The following PNMA2 variants were observed in gnomAD, a reference collection of about 807,000 sequenced individuals.
The protein encoded by PNMA2 is PNMA family member 2.
For synonymous variants in PNMA2, 175 were observed against 183.5 expected (o/e 0.95, Z 0.38); for missense variants, 455 against 452.9 (o/e 1.00, Z -0.04).
At position 26,509,548 on chromosome 8, in the gene PNMA2, C is replaced by T. The variant is rs1808112838; in HGVS notation, c.-489G>A. Reference sequence around the variant, plus strand: ...GAAATCAGGAGATGTGGCTAAATACCTGTTGATGTGTTCCCGAGTGTTCCG... The same window carrying T: ...GAAATCAGGAGATGTGGCTAAATACTTGTTGATGTGTTCCCGAGTGTTCCG... On this transcript the variant is annotated splice_region_variant and 5_prime_UTR_variant, in exon 2 of 3. Coordinates refer to ENST00000522362, the MANE Select transcript of PNMA2 (RefSeq NM_007257.6). This position sits in a 1 kb window ranked among gnomAD's most constrained non-coding sequence, Gnocchi z 5.7. The T allele has an allele frequency of 6.6e-6, 1 of 152,174 alleles. No individual in the cohort carries two copies. The highest frequency in any genetic ancestry group is 2.4e-5 in the African/African-American group (1 of 41,434). The allele number at this position is 152,174 out of a possible 1,614,324, so 9.4% of individuals were successfully genotyped here.
At chr8:26,513,168 CG>C (rs1188623577) in intron 1 of PNMA2, among the ~76,000 whole-genome samples, 1 of 142,796 alleles carries the variant, frequency 7.0e-6, no homozygotes, top group Admixed American at 7.1e-5. Flanking sequence ...AACCAAATCG[CG>C]ACACGTTCCT....
In PNMA2 at chr8:26,504,848, A is replaced by G. The variant is rs1013047124; in HGVS notation, c.*2813T>C. 6.5e-6 allele frequency: 1 copy of G among 152,688 alleles called. No homozygotes were observed. The highest frequency in any genetic ancestry group is 1.5e-5 in the Non-Finnish European group (1 of 68,054). The allele number at this position is 152,688 out of a possible 1,614,324, so 9.5% of individuals were successfully genotyped here. A position where few individuals can be genotyped will look rare whatever the true frequency, so the allele number is the denominator to read the frequency against. ...GTAACCACTGCATCACTTTGGTGGA[A>G]CAGTATTAAAAATAGAATTTAGAAA... On this transcript the variant is annotated 3_prime_UTR_variant, in exon 3 of 3. Coordinates refer to ENST00000522362, the MANE Select transcript of PNMA2 (RefSeq NM_007257.6).
rs138708461 is a variant in PNMA2, at chr8:26,506,096, G to C, written c.*1565C>G. The C allele has an allele frequency of 2.0e-5, 3 of 152,168 alleles. No homozygotes were observed. The highest frequency in any genetic ancestry group is 7.2e-5 in the African/African-American group (3 of 41,438). The allele number at this position is 152,168 out of a possible 1,614,324, so 9.4% of individuals were successfully genotyped here. A position where few individuals can be genotyped will look rare whatever the true frequency, so the allele number is the denominator to read the frequency against. ...TGCAGAGCACAATTTGAAAGTCATC[G>C]TGATGGTAGAGGATGGACTAGTGTG... On this transcript the variant is annotated 3_prime_UTR_variant, in exon 3 of 3. Transcript: ENST00000522362. The surrounding 1 kb of genome is among the most constrained non-coding windows in gnomAD (Gnocchi z 4.4).
Position 26,508,258 on chromosome 8 carries a change from T to A in PNMA2, c.498A>T (p.Arg166=). Residue 166 remains arginine, a synonymous_variant, in exon 3 of 3, where the codon CGA becomes CGT. Transcript: ENST00000522362. The surrounding 1 kb of genome is among the most constrained non-coding windows in gnomAD (Gnocchi z 5.5). The part of the protein sequence containing the change: ...PLLPMRYRKL[R]VFSGSAVPAP... ...CTGGGACAGCACTCCCTGAGAATAC[T>A]CGCAGTTTCCGGTATCTCATGGGTA... 1 of 1,601,312 alleles carries A rather than the reference T, an allele frequency of 6.2e-7. No homozygotes were observed. The highest frequency in any genetic ancestry group is 8.5e-7 in the Non-Finnish European group (1 of 1,173,424).
Position 26,507,792 on chromosome 8 carries a change from G to C in PNMA2, c.964C>G (p.Pro322Ala), listed in dbSNP as rs1377435344. ...LRELKDQGPPPSFLELMKVIR... is the reference protein window; with the variant it reads ...LRELKDQGPPASFLELMKVIR... ...ACCTTCATTAGCTCAAGGAAGCTGG[G>C]GGGCGGGCCCTGATCCTTCAGCTCC... is the stretch of plus-strand genomic sequence containing the variant. Residue 322 changes from proline to alanine, a missense_variant, in exon 3 of 3, where the codon CCC becomes GCC. Coordinates refer to ENST00000522362, the MANE Select transcript of PNMA2 (RefSeq NM_007257.6). 6.2e-7 allele frequency: 1 copy of C among 1,613,902 alleles called. No individual in the cohort carries two copies. The highest frequency in any genetic ancestry group is 1.7e-5 in the Admixed American group (1 of 59,982).
intron 1 of PNMA2, among the ~76,000 whole-genome samples, chr8:26,511,933 C>G (rs536102028): frequency 6.6e-6 from 1 of 152,338 alleles, no homozygotes; most frequent in African/African-American, 2.4e-5. Context: ...CTTCAGATGA[C>G]TCTTCCTCCC....
At chr8:26,513,552 G>C (rs1452493620) in intron 1 of PNMA2, among the ~76,000 whole-genome samples, 1 of 152,174 alleles carries the variant, frequency 6.6e-6, no homozygotes, top group Non-Finnish European at 1.5e-5. Flanking sequence ...CACCCTGCCT[G>C]TGCTATCCTT....
In PNMA2 at chr8:26,508,194, C is replaced by T. The variant is rs1213678518; in HGVS notation, c.562G>A (p.Ala188Thr). ...GGCCACTCTTTGACTATCTCCGTGG[C>T]CTGTTCCAACCAGACCTCAAAGGAC... ...EESFEVWLEQ[A>T]TEIVKEWPVT... Residue 188 changes from alanine (A) to threonine (T), a missense_variant, in exon 3 of 3, where the codon GCC becomes ACC. Ala to Thr is a moderately conservative substitution (Grantham distance 58). Transcript: ENST00000522362. This position sits in a 1 kb window ranked among gnomAD's most constrained non-coding sequence, Gnocchi z 5.5. 1 of 1,612,790 alleles carries T rather than the reference C, an allele frequency of 6.2e-7. No individual in the cohort carries two copies. Among genetic ancestry groups the T allele is most frequent in the East Asian group, 2.2e-5 (1 of 44,866 alleles).
chr8:26,507,582 T>G lies in PNMA2; in HGVS notation c.*79A>C, dbSNP rs1322464302. On this transcript the variant is annotated 3_prime_UTR_variant, in exon 3 of 3. Transcript: ENST00000522362. The stretch of plus-strand genomic sequence containing the variant: ...TCAATAATTGGCTTTCATGGTTTGA[T>G]TTCAGTCCCATACATTAAAGAAAAA... The G allele has an allele frequency of 7.6e-7, 1 of 1,312,588 alleles. No individual in the cohort carries two copies. Among genetic ancestry groups the G allele is most frequent in the African/African-American group, 1.5e-5 (1 of 67,808 alleles). The allele number at this position is 1,312,588 out of a possible 1,614,324, so 81.3% of individuals were successfully genotyped here.
Position 26,508,405 on chromosome 8 carries a change from G to C in PNMA2, c.351C>G (p.Val117=). 6.2e-7 allele frequency: 1 copy of C among 1,614,220 alleles called. No individual in the cohort carries two copies. Among genetic ancestry groups the C allele is most frequent in the South Asian group, 1.1e-5 (1 of 91,076 alleles). ...NLFLEKEGQT[V]SGMFRALGQE... is the part of the protein sequence containing the mutation. ...GCCCCAGGGCTCGAAACATACCCGA[G>C]ACCGTCTGCCCCTCTTTTTCTAGAA... The change falls in exon 3 of 3, where the codon GTC becomes GTG. Residue 117 remains valine (V), a synonymous_variant. Transcript: ENST00000522362. The surrounding 1 kb of genome is among the most constrained non-coding windows in gnomAD (Gnocchi z 5.5).
intron 1 of PNMA2, chr8:26,513,114 CTTTTTT>C (rs762812937): frequency 0.45 from 56,674 of 126,416 alleles, 13,292 homozygotes; most frequent in East Asian, 0.75. Context: ...TTTTTTCTCT[CTTTTTT>C]TTTTTTTTTT....
chr8:26,508,610 T>C lies in PNMA2; in HGVS notation c.146A>G (p.Tyr49Cys), dbSNP rs764101621. 2 of 1,614,214 alleles carry C rather than the reference T, an allele frequency of 1.2e-6. No individual in the cohort carries two copies. The highest frequency in any genetic ancestry group is 2.2e-5 in the South Asian group (2 of 91,088). Residue 49 changes from tyrosine (Y) to cysteine (C), a missense_variant, in exon 3 of 3, where the codon TAT becomes TGT. By Grantham distance (194) the Tyr-to-Cys change is radical (BLOSUM62 -2). Transcript: ENST00000522362. The surrounding 1 kb of genome is among the most constrained non-coding windows in gnomAD (Gnocchi z 5.5). Reference sequence around the variant, plus strand: ...CCGGAATATCTTGCCAAGCAGTCTATACCTGCCCAGAGACTTTAAAGTCTC... The same window carrying C: ...CCGGAATATCTTGCCAAGCAGTCTACACCTGCCCAGAGACTTTAAAGTCTC... Reference protein sequence around the residue: ...LQETLKSLGRYRLLGKIFRKQ... With the variant: ...LQETLKSLGRCRLLGKIFRKQ...
At chr8:26,511,093 A>G (rs1563369224) in intron 1 of PNMA2, among the ~76,000 whole-genome samples, 1 of 149,076 alleles carries the variant, frequency 6.7e-6, no homozygotes, top group South Asian at 2.1e-4. Context: ...CGGAAGTTGC[A>G]GTGAGCCACG....
rs577705371 is a variant in PNMA2, at chr8:26,510,546, T to C, written c.-618-869A>G. Among the ~76,000 whole-genome samples the C allele has an allele frequency of 6.2e-4, 94 of 152,230 alleles. 2 individuals carry two copies. The South Asian group carries it at 0.019, about 31-fold the overall frequency. Reference sequence around the variant, plus strand: ...GTAGTAGCCTTGATCTCTCCTGGGCTCAAGCAATCCTCCCACCTCGACCTC... The same window carrying C: ...GTAGTAGCCTTGATCTCTCCTGGGCCCAAGCAATCCTCCCACCTCGACCTC... On this transcript the variant is annotated intron_variant, in intron 1 of 2. Coordinates refer to ENST00000522362, the MANE Select transcript of PNMA2 (RefSeq NM_007257.6).
chr8:26,508,416 C>A lies in PNMA2; in HGVS notation c.340G>T (p.Gly114Trp), dbSNP rs545711393. The change falls in exon 3 of 3, where the codon GGG becomes TGG. Residue 114 changes from glycine (G) to tryptophan (W), a missense_variant. Gly to Trp is a radical substitution (Grantham distance 184, BLOSUM62 -2). Transcript: ENST00000522362. The surrounding 1 kb of genome is among the most constrained non-coding windows in gnomAD (Gnocchi z 5.5). ...ERLNLFLEKE[G>W]QTVSGMFRAL... Reference sequence around the variant, plus strand: ...CGAAACATACCCGAGACCGTCTGCCCCTCTTTTTCTAGAAACAGGTTCAAT... The same window carrying A: ...CGAAACATACCCGAGACCGTCTGCCACTCTTTTTCTAGAAACAGGTTCAAT... 1 of 1,614,126 alleles carries A rather than the reference C, an allele frequency of 6.2e-7. No homozygotes were observed. Among genetic ancestry groups the A allele is most frequent in the Non-Finnish European group, 8.5e-7 (1 of 1,180,060 alleles).
Position 26,505,857 on chromosome 8 carries a change from G to C in PNMA2, c.*1804C>G, listed in dbSNP as rs907728327. On this transcript the variant is annotated 3_prime_UTR_variant, in exon 3 of 3. Transcript: ENST00000522362. ...AATACAAAAATTAGCTGGGCGTGGT[G>C]GTGGGTGCCTGTAATCCCAGCTACT... 2.0e-5 allele frequency: 3 copies of C among 152,182 alleles called. No individual in the cohort carries two copies. Among genetic ancestry groups the C allele is most frequent in the African/African-American group, 7.2e-5 (3 of 41,422 alleles). 9.4% of individuals were successfully genotyped at this position (152,182 alleles called of 1,614,324 possible).
intron 1 of PNMA2, among the ~76,000 whole-genome samples, chr8:26,513,488 G>A (rs1378039931): frequency 2.6e-5 from 4 of 151,492 alleles, no homozygotes; most frequent in Non-Finnish European, 5.9e-5. Flanking sequence ...CTGCCAAGGC[G>A]AGTGGACAAA....
rs748804929 is a variant in PNMA2 at position 26,508,158 on chromosome 8, CCT to C, written c.596_597del (p.Glu199GlyfsTer39). ...TEIVKEWPVTEAEKKRWLAES... is the reference protein window; with the variant it reads ...TEIVKEWPVTXAEKKRWLAES... ...TCCGCCAGCCACCTTTTCTTTTCTG[CCT>C]CTGTTACTGGCCACTCTTTGACTAT... On this transcript the variant is annotated frameshift_variant, in exon 3 of 3. Coordinates refer to ENST00000522362, the MANE Select transcript of PNMA2 (RefSeq NM_007257.6). LOFTEE classifies it low-confidence loss of function (END_TRUNC). This position sits in a 1 kb window ranked among gnomAD's most constrained non-coding sequence, Gnocchi z 5.5. 12 of 1,614,108 alleles carry C rather than the reference CCT, an allele frequency of 7.4e-6. No individual in the cohort carries two copies. Among genetic ancestry groups the C allele is most frequent in the Non-Finnish European group, 1.0e-5 (12 of 1,180,040 alleles).
Position 26,509,668 on chromosome 8 carries a change from C to G in PNMA2, c.-609G>C, listed in dbSNP as rs1331825246. ...TGTCTGGCTCTTAGCTCCAGCCAAG[C>G]CAAGCTGCTCTGTTACACATAAACA... On this transcript the variant is annotated 5_prime_UTR_variant, in exon 2 of 3. Transcript: ENST00000522362. This position sits in a 1 kb window ranked among gnomAD's most constrained non-coding sequence, Gnocchi z 5.7. The G allele has an allele frequency of 6.6e-6, 1 of 152,180 alleles. No individual in the cohort carries two copies. The highest frequency in any genetic ancestry group is 2.4e-5 in the African/African-American group (1 of 41,434). 9.4% of individuals were successfully genotyped at this position (152,180 alleles called of 1,614,324 possible).
Sources: gnomAD v4.1 joint callset for allele counts (sites outside exome capture counted in the v4.1 genomes callset) on GRCh38, gnomAD v4.1.1 for gene constraint, Gnocchi (gnomAD v3.1) non-coding constraint, MANE v1.5 for transcripts, NCBI Gene and HGNC (gene_info 2026-07-23, HGNC 2026-07-21) for gene names.